The following ZFYVE9 variants were observed in gnomAD, a reference collection of about 807,000 sequenced individuals.
ZFYVE9 encodes zinc finger FYVE-type containing 9.
ZFYVE9 carries 43 observed loss-of-function variants against 126.7 expected under a neutral mutation model. That is an observed-to-expected ratio of 0.34 (90% CI 0.27 to 0.44). ZFYVE9 has a LOEUF of 0.44. Ranked by LOEUF, ZFYVE9 falls within the 20% of genes least tolerant of loss-of-function variation. ZFYVE9 has a pLI of 1.00. For missense variants in ZFYVE9, 1,476 were observed against 1,697.0 expected (o/e 0.87, Z 2.29); for synonymous variants, 521 against 597.4 (o/e 0.87, Z 1.87).
Position 52,266,792 on chromosome 1 carries a change from A to G in ZFYVE9, c.2416A>G (p.Met806Val). The G allele has an allele frequency of 6.2e-7, 1 of 1,609,668 alleles. No individual in the cohort carries two copies. Among genetic ancestry groups the G allele is most frequent in the East Asian group, 2.2e-5 (1 of 44,624 alleles). The change falls in exon 6 of 19, where the codon ATG becomes GTG. Residue 806 changes from methionine (M) to valine (V), a missense_variant. Met to Val is a conservative substitution (Grantham distance 21). Transcript: ENST00000287727. ...GALSSPPPTV[M>V]VPVGVLKHPG... Reference sequence around the variant, plus strand: ...TCTGAGCTCTCCACCTCCCACTGTGATGGTACCTGTGGGAGTTTTAAAGCA... The same window carrying G: ...TCTGAGCTCTCCACCTCCCACTGTGGTGGTACCTGTGGGAGTTTTAAAGCA...
At chr1:52,184,197 T>TTATATATATATATTTATATATATAGATA (rs1557444022) in intron 1 of ZFYVE9, among the ~76,000 whole-genome samples, 260 of 145,084 alleles carry the variant, frequency 1.8e-3, no homozygotes, top group African/African-American at 6.0e-3. Context: ...ACAAGTGTCA[T>TTATATATATATATTTATATATATAGATA]TATATATATA....
At position 52,210,999 on chromosome 1, in the gene ZFYVE9, TG is replaced by T. The variant is rs569591042; in HGVS notation, c.-142-5368del. On this transcript the variant is annotated intron_variant, in intron 1 of 18. Transcript: ENST00000287727. ...TTTTCATGCAGTTGTAGTCAGACAG[TG>T]GCTGGGCTAGAGTCATCTTGAGGCT... is the stretch of plus-strand genomic sequence containing the variant. Among the ~76,000 whole-genome samples the T allele has an allele frequency of 6.6e-5, 10 of 152,242 alleles. No individual in the cohort carries two copies. The South Asian group carries it at 2.1e-3, about 32-fold the overall frequency.
intron 18 of ZFYVE9, among the ~76,000 whole-genome samples, 168 bp downstream of exon 18, chr1:52,345,112 C>G (rs1646472255): frequency 6.6e-6 from 1 of 152,136 alleles, no homozygotes; most frequent in Non-Finnish European, 1.5e-5. Context: ...ACATGTGATG[C>G]TTGGTCAGAT....
intron 3 of ZFYVE9, 129 bp downstream of exon 3, chr1:52,233,405 A>AT: frequency 2.3e-5 from 11 of 484,258 alleles, no homozygotes; most frequent in Non-Finnish European, 3.3e-5. Context: ...ATTTAATAAT[A>AT]TACAGGGGAA....
intron 8 of ZFYVE9, among the ~76,000 whole-genome samples, chr1:52,275,006 T>C (rs1361128749): frequency 6.6e-6 from 1 of 152,230 alleles, no homozygotes; most frequent in Non-Finnish European, 1.5e-5. Context: ...GCAGTTTTAC[T>C]GTTAAAAATA....
At chr1:52,329,216 G>A (rs1646318145) in intron 13 of ZFYVE9, among the ~76,000 whole-genome samples, 1 of 152,116 alleles carries the variant, frequency 6.6e-6, no homozygotes. Context: ...CAAATCATCT[G>A]TAATTGCAAG....
rs142583057 is a variant in ZFYVE9 at position 52,237,509 on chromosome 1, T to C, written c.92T>C (p.Leu31Ser). The change falls in exon 4 of 19, where the codon TTA becomes TCA. Residue 31 changes from leucine to serine, a missense_variant. By Grantham distance (145) the Leu-to-Ser change is moderately radical. Coordinates refer to ENST00000287727, the MANE Select transcript of ZFYVE9 (RefSeq NM_004799.4). Reference protein sequence around the residue: ...QNEDETVSSTLLDTKWNKILD... With the variant: ...QNEDETVSSTSLDTKWNKILD... ...CCAGATGAAACAGTTTCTTCTACTTTATTGGATACAAAGTGGAATAAGATT... is the reference window on the plus strand; with the variant it reads ...CCAGATGAAACAGTTTCTTCTACTTCATTGGATACAAAGTGGAATAAGATT... The C allele has an allele frequency of 5.6e-6, 9 of 1,609,126 alleles. No individual in the cohort carries two copies. The highest frequency in any genetic ancestry group is 3.3e-5 in the South Asian group (3 of 90,484).
chr1:52,246,506 G>T (rs1645385072), intron 4 of ZFYVE9, among the ~76,000 whole-genome samples: 1 of 150,350 alleles, frequency 6.7e-6, no homozygotes. Context: ...TTTTCTTAAG[G>T]ATTTTTTTTA....
rs985845896 is a variant in ZFYVE9, at chr1:52,142,212, G to A, written c.-334G>A. The A allele has an allele frequency of 6.6e-6, 1 of 151,468 alleles. No individual in the cohort carries two copies. Among genetic ancestry groups the A allele is most frequent in the Non-Finnish European group, 1.5e-5 (1 of 67,744 alleles). 9.4% of individuals were successfully genotyped at this position (151,468 alleles called of 1,614,324 possible). A position where few individuals can be genotyped will look rare whatever the true frequency, so the allele number is the denominator to read the frequency against. On this transcript the variant is annotated 5_prime_UTR_variant, in exon 1 of 19. Transcript: ENST00000287727. The surrounding 1 kb of genome is among the most constrained non-coding windows in gnomAD (Gnocchi z 4.5). ...GGGATCCGCGTGGCTGCCGCGGCCC[G>A]GGCGCCGATGCGGCTGGGCGGGTGC...
chr1:52,242,499 G>C (rs887369863), intron 4 of ZFYVE9, among the ~76,000 whole-genome samples: 1 of 151,734 alleles, frequency 6.6e-6, no homozygotes, highest in Non-Finnish European at 1.5e-5. Flanking sequence ...TTTGTTAGAT[G>C]AATTAAACAA....
At chr1:52,208,595 G>T (rs534361857) in intron 1 of ZFYVE9, among the ~76,000 whole-genome samples, 3 of 151,478 alleles carry the variant, frequency 2.0e-5, no homozygotes. Flanking sequence ...TCAGCCCGGC[G>T]CAATCTTGGC....
intron 1 of ZFYVE9, among the ~76,000 whole-genome samples, chr1:52,215,924 A>G (rs970823341): frequency 6.6e-6 from 1 of 152,244 alleles, no homozygotes; most frequent in Non-Finnish European, 1.5e-5. Flanking sequence ...AATAAAAATC[A>G]CAACTGGAAA....
chr1:52,345,178 G>A (rs1249484566), intron 18 of ZFYVE9, among the ~76,000 whole-genome samples: 1 of 152,136 alleles, frequency 6.6e-6, no homozygotes, highest in African/African-American at 2.4e-5. Flanking sequence ...CCAAGGAGCT[G>A]GTTTCCTTCT....
chr1:52,201,107 G>A (rs1004005179), intron 1 of ZFYVE9, among the ~76,000 whole-genome samples: 1 of 152,086 alleles, frequency 6.6e-6, no homozygotes, highest in African/African-American at 2.4e-5. Context: ...AAGTCTTTCT[G>A]TTCGTGAACA....
chr1:52,239,041 A>G lies in ZFYVE9; in HGVS notation c.1624A>G (p.Met542Val), dbSNP rs759227840. Reference protein sequence around the residue: ...GLLLNSTGDLMKKNYLHNFCS... With the variant: ...GLLLNSTGDLVKKNYLHNFCS... ...ACTTTTAAACAGCACTGGTGACCTAATGAAGAAAAATTATTTACATAATTT... is the reference window on the plus strand; with the variant it reads ...ACTTTTAAACAGCACTGGTGACCTAGTGAAGAAAAATTATTTACATAATTT... Residue 542 changes from methionine to valine, a missense_variant, in exon 4 of 19, where the codon ATG becomes GTG. This residue lies in a region of ZFYVE9 where 807 missense variants were observed against 794.6 expected (regional missense o/e 1.02). Coordinates refer to ENST00000287727, the MANE Select transcript of ZFYVE9 (RefSeq NM_004799.4). The G allele has an allele frequency of 6.2e-7, 1 of 1,614,152 alleles. No homozygotes were observed. Among genetic ancestry groups the G allele is most frequent in the Non-Finnish European group, 8.5e-7 (1 of 1,180,010 alleles).
intron 13 of ZFYVE9, among the ~76,000 whole-genome samples, chr1:52,308,202 A>G (rs2820333): frequency 0.011 from 1,733 of 152,148 alleles, 42 homozygotes; most frequent in African/African-American, 0.039. Flanking sequence ...CTTTTTGGAA[A>G]CAGGGTCTTA....
At position 52,324,700 on chromosome 1, in the gene ZFYVE9, G is replaced by A. The variant is rs748410160; in HGVS notation, c.3439-8068G>A. ...CCTCTGAATTGTGAGCCTCTTGAGG[G>A]CAGAGAGTAAGTCTTTCATGCTTCC... On this transcript the variant is annotated intron_variant, in intron 13 of 18. Coordinates refer to ENST00000287727, the MANE Select transcript of ZFYVE9 (RefSeq NM_004799.4). Among the ~76,000 whole-genome samples, 10 of 152,236 alleles carry A rather than the reference G, an allele frequency of 6.6e-5. No individual in the cohort carries two copies. In the East Asian group the frequency reaches 7.7e-4, roughly 12 times the overall value.
At chr1:52,303,722 A>C in intron 12 of ZFYVE9, 99 bp from the exon 13 acceptor site, 1 of 668,602 alleles carries the variant, frequency 1.5e-6, no homozygotes, top group East Asian at 3.0e-5. Context: ...AGGATCTTTC[A>C]ATATTGACAT....
At chr1:52,343,078 TTTTG>T (rs1182340266) in intron 17 of ZFYVE9, among the ~76,000 whole-genome samples, 1 of 151,584 alleles carries the variant, frequency 6.6e-6, no homozygotes, top group Non-Finnish European at 1.5e-5. Flanking sequence ...GGCTAATTTT[TTTTG>T]TTTTTTGTTT....
Sources: allele counts gnomAD v4.1 joint callset (sites outside exome capture counted in the v4.1 genomes callset), GRCh38; gene constraint gnomAD v4.1.1; regional missense constraint gnomAD v4.1.1; non-coding constraint Gnocchi (gnomAD v3.1); transcripts MANE v1.5; gene names NCBI Gene and HGNC (gene_info 2026-07-23, HGNC 2026-07-21).